The following LDLRAD4 variants were observed in gnomAD, a reference collection of about 807,000 sequenced individuals.
LDLRAD4 encodes the protein low density lipoprotein receptor class A domain containing 4.
LDLRAD4 carries 5 observed loss-of-function variants against 17.0 expected under a neutral mutation model. That is an observed-to-expected ratio of 0.29 (90% confidence interval 0.15 to 0.62). The LOEUF (loss-of-function observed/expected upper bound fraction) is 0.62, where lower values mean the gene tolerates loss of function less well. Among genes scored for constraint, LDLRAD4 ranks in the 20% least tolerant of loss-of-function variants. The probability of loss-of-function intolerance (pLI) is 0.84; values close to 1 mark genes in which losing one functional copy is unlikely to be tolerated. For missense variants in LDLRAD4, 340 were observed against 424.7 expected (o/e 0.80, Z 1.75); for synonymous variants, 168 against 171.8 (o/e 0.98, Z 0.17).
intron 1 of LDLRAD4, among the ~76,000 whole-genome samples, chr18:13,318,934 C>T (rs2081075698): frequency 6.6e-6 from 1 of 152,206 alleles, no homozygotes; most frequent in Non-Finnish European, 1.5e-5. Context: ...CTCGCTGTCC[C>T]CTTCCTTTGT....
chr18:13,354,535 A>G (rs1012623355), intron 1 of LDLRAD4, among the ~76,000 whole-genome samples: 1 of 152,198 alleles, frequency 6.6e-6, no homozygotes, highest in East Asian at 1.9e-4. Context: ...GGAAAAATAT[A>G]GAGAACTAGA....
At chr18:13,292,073 C>G (rs2045994136) in intron 1 of LDLRAD4, among the ~76,000 whole-genome samples, 1 of 152,206 alleles carries the variant, frequency 6.6e-6, no homozygotes, top group African/African-American at 2.4e-5. Flanking sequence ...AGAGGTGCAG[C>G]TGGGGTCAGT....
At chr18:13,458,661 T>C (rs950390674) in intron 3 of LDLRAD4, among the ~76,000 whole-genome samples, 2 of 152,204 alleles carry the variant, frequency 1.3e-5, no homozygotes, top group African/African-American at 2.4e-5. Context: ...ACTTTACAGA[T>C]ATGACTAAGG....
At chr18:13,518,433 A>T (rs1705378754) in intron 3 of LDLRAD4, among the ~76,000 whole-genome samples, 1 of 152,222 alleles carries the variant, frequency 6.6e-6, no homozygotes, top group South Asian at 2.1e-4. Context: ...CTTTCTCCTT[A>T]TACAAAGTTC....
chr18:13,449,135 A>C (rs534890608), intron 3 of LDLRAD4, among the ~76,000 whole-genome samples: 18 of 152,376 alleles, frequency 1.2e-4, no homozygotes, highest in Non-Finnish European at 2.4e-4. Flanking sequence ...CTGGAGAGGG[A>C]AGAAAGAAAT....
At chr18:13,397,628 G>T (rs1224207859) in intron 2 of LDLRAD4, among the ~76,000 whole-genome samples, 1 of 152,090 alleles carries the variant, frequency 6.6e-6, no homozygotes, top group Non-Finnish European at 1.5e-5. Context: ...CCTACCACCT[G>T]TCTCTTGTTA....
chr18:13,526,872 C>CTCTCTTCCCCT (rs2094040124), intron 3 of LDLRAD4, among the ~76,000 whole-genome samples: 1 of 152,198 alleles, frequency 6.6e-6, no homozygotes, highest in Non-Finnish European at 1.5e-5. Context: ...TCCTCTCCTC[C>CTCTCTTCCCCT]TCTCTTCCCC....
At chr18:13,404,918 C>T (rs909105173) in intron 2 of LDLRAD4, among the ~76,000 whole-genome samples, 2 of 151,480 alleles carry the variant, frequency 1.3e-5, no homozygotes, top group Non-Finnish European at 2.9e-5. Context: ...GAATTGAAAT[C>T]GCAAATCTCT....
intron 3 of LDLRAD4, among the ~76,000 whole-genome samples, chr18:13,464,274 T>C (rs2092542903): frequency 6.6e-6 from 1 of 152,244 alleles, no homozygotes; most frequent in Non-Finnish European, 1.5e-5. Context: ...AATGAAACGA[T>C]GGCTAATAGC....
In LDLRAD4 at chr18:13,269,559, G is replaced by A. The variant is rs1251762664; in HGVS notation, c.-466-8546G>A. 4.0e-5 allele frequency among the ~76,000 whole-genome samples: 6 copies of A among 151,630 alleles called. No individual in the cohort carries two copies. In the East Asian group the frequency reaches 9.6e-4, roughly 24 times the overall value. On this transcript the variant is annotated intron_variant, in intron 1 of 5. Coordinates refer to the LDLRAD4 transcript ENST00000399848. ...TCTTTTCAAATGAACCGGGGTAGATGATCTTTTTTTTTTTTTCCTGAGGGG... is the reference window on the plus strand; with the variant it reads ...TCTTTTCAAATGAACCGGGGTAGATAATCTTTTTTTTTTTTTCCTGAGGGG...
chr18:13,277,588 C>A (rs959464810), upstream of LDLRAD4, among the ~76,000 whole-genome samples: 1 of 152,246 alleles, frequency 6.6e-6, no homozygotes, highest in Non-Finnish European at 1.5e-5. Context: ...ACCATCCCAG[C>A]AGTGTCACTG....
chr18:13,411,606 C>T (rs1159791091), intron 2 of LDLRAD4, among the ~76,000 whole-genome samples: 1 of 152,130 alleles, frequency 6.6e-6, no homozygotes, highest in Non-Finnish European at 1.5e-5. Flanking sequence ...AAGGGCAGTT[C>T]CCCTGCACAC....
chr18:13,232,187 T>G (rs1452186507), intron 1 of LDLRAD4, among the ~76,000 whole-genome samples: 1 of 152,328 alleles, frequency 6.6e-6, no homozygotes, highest in East Asian at 1.9e-4. Context: ...TGCTCTCATC[T>G]CCTCCCTGTT....
intron 3 of LDLRAD4, chr18:13,461,941 A>G (rs12607724): frequency 0.23 from 35,484 of 152,106 alleles, 4,780 homozygotes; most frequent in East Asian, 0.51. Context: ...GTTGCAAGGG[A>G]GTAGCCTCTG....
intron 3 of LDLRAD4, among the ~76,000 whole-genome samples, chr18:13,585,989 C>T (rs1283935981): frequency 6.6e-6 from 1 of 152,264 alleles, no homozygotes; most frequent in East Asian, 1.9e-4. Flanking sequence ...AAAAATATTT[C>T]GTGATGCACA....
intron 1 of LDLRAD4, among the ~76,000 whole-genome samples, chr18:13,312,334 C>G (rs1381436854): frequency 6.6e-6 from 1 of 152,172 alleles, no homozygotes; most frequent in Non-Finnish European, 1.5e-5. Context: ...TCATTATGTA[C>G]ATGCAGATAT....
chr18:13,540,818 T>C (rs1158283339), intron 3 of LDLRAD4, among the ~76,000 whole-genome samples: 2 of 152,210 alleles, frequency 1.3e-5, no homozygotes, highest in African/African-American at 4.8e-5. Context: ...AGTTATAAGA[T>C]GGAAGGTTCT....
chr18:13,231,626 G>A (rs911628782), intron 1 of LDLRAD4, among the ~76,000 whole-genome samples: 1 of 152,210 alleles, frequency 6.6e-6, no homozygotes, highest in Non-Finnish European at 1.5e-5. Context: ...TTCACAAAAC[G>A]CTTACATTTC....
chr18:13,234,082 A>C (rs1044408824), intron 1 of LDLRAD4, among the ~76,000 whole-genome samples: 5 of 152,124 alleles, frequency 3.3e-5, no homozygotes, highest in African/African-American at 1.2e-4. Flanking sequence ...TTTCACTGTC[A>C]CCACCAGCAG....
Sources: gnomAD v4.1 joint callset for allele counts (sites outside exome capture counted in the v4.1 genomes callset) on GRCh38, gnomAD v4.1.1 for gene constraint, MANE v1.5 for transcripts, NCBI Gene and HGNC (gene_info 2026-07-23, HGNC 2026-07-21) for gene names.